The following GRIN2A variants were observed in gnomAD, a reference collection of about 807,000 sequenced individuals.
GRIN2A encodes glutamate receptor ionotropic, NMDA 2A.
GRIN2A carries 22 observed loss-of-function variants against 113.4 expected under a neutral mutation model. The observed-to-expected ratio is 0.19, with a 90% CI of 0.14 to 0.28. The LOEUF is 0.28. Ranked by LOEUF, GRIN2A falls within the 10% of genes least tolerant of loss-of-function variation. The pLI, the probability that GRIN2A is intolerant of heterozygous loss-of-function variation, is 1.00. For missense variants in GRIN2A, 1,502 were observed against 1,887.0 expected, an observed-to-expected ratio of 0.80 and a Z score of 3.78; for synonymous variants, 827 against 738.4, an observed-to-expected ratio of 1.12 and a Z score of -1.94.
At chr16:10,142,150 C>T (rs1596548011) in intron 2 of GRIN2A, among the ~76,000 whole-genome samples, 1 of 152,054 alleles carries the variant, frequency 6.6e-6, no homozygotes, top group Non-Finnish European at 1.5e-5. Context: ...AGAGCACGAA[C>T]CCACAAGAAG....
intron 3 of GRIN2A, among the ~76,000 whole-genome samples, chr16:9,934,767 C>T (rs1405616273): frequency 2.0e-5 from 3 of 150,944 alleles, no homozygotes; most frequent in Non-Finnish European, 4.4e-5. Context: ...TCTCTAGCTC[C>T]CTGTCAAGGG....
intron 2 of GRIN2A, among the ~76,000 whole-genome samples, chr16:9,956,732 A>G (rs1325553841): frequency 4.6e-5 from 7 of 152,218 alleles, no homozygotes; most frequent in African/African-American, 1.7e-4. Flanking sequence ...ATGGTGCATT[A>G]AGAATGCACA....
chr16:10,161,470 T>C (rs1334118231), intron 2 of GRIN2A, among the ~76,000 whole-genome samples: 2 of 152,226 alleles, frequency 1.3e-5, no homozygotes, highest in Non-Finnish European at 2.9e-5. Context: ...TTTTAAATTA[T>C]TTCGCCTTAG....
At position 10,089,418 on chromosome 16, in the gene GRIN2A, A is replaced by T. The variant is rs541389269; in HGVS notation, c.414+90580T>A. 3.3e-5 allele frequency among the ~76,000 whole-genome samples: 5 copies of T among 152,364 alleles called. No homozygotes were observed. The South Asian group carries it at 1.0e-3, about 32-fold the overall frequency. On this transcript the variant is annotated intron_variant, in intron 2 of 12. Coordinates refer to ENST00000330684, the MANE Select transcript of GRIN2A (RefSeq NM_001134407.3). ...CCTCAAAGCTTTATAAAATAAGCAC[A>T]ACAATGAATGTTAAATATGTAACCA...
At chr16:9,857,600 C>T (rs1436650761) in intron 4 of GRIN2A, among the ~76,000 whole-genome samples, 3 of 152,202 alleles carry the variant, frequency 2.0e-5, no homozygotes, top group African/African-American at 4.8e-5. Flanking sequence ...CACTTGTGAG[C>T]TGTGCCACTT....
chr16:9,821,770 A>T (rs2042289514), intron 10 of GRIN2A, among the ~76,000 whole-genome samples: 1 of 152,142 alleles, frequency 6.6e-6, no homozygotes, highest in Non-Finnish European at 1.5e-5. Flanking sequence ...GAGGAATGCT[A>T]ACTGTAACTT....
At chr16:9,816,180 A>G (rs992376051) in intron 10 of GRIN2A, among the ~76,000 whole-genome samples, 3 of 152,222 alleles carry the variant, frequency 2.0e-5, no homozygotes, top group Admixed American at 6.5e-5. Flanking sequence ...TTGGAGACAG[A>G]TGGTGGTAAT....
intron 2 of GRIN2A, among the ~76,000 whole-genome samples, chr16:10,005,031 A>C (rs1215381262): frequency 6.6e-6 from 1 of 152,170 alleles, no homozygotes; most frequent in African/African-American, 2.4e-5. Flanking sequence ...TAAAACGAAA[A>C]TTTATTTTTA....
At chr16:9,865,429 C>T (rs2043146113) in intron 4 of GRIN2A, among the ~76,000 whole-genome samples, 1 of 152,246 alleles carries the variant, frequency 6.6e-6, no homozygotes, top group African/African-American at 2.4e-5. Flanking sequence ...ATTGCTTTTC[C>T]CACTGAATTA....
At chr16:9,838,815 A>C (rs1243607559) in intron 7 of GRIN2A, among the ~76,000 whole-genome samples, 2 of 152,200 alleles carry the variant, frequency 1.3e-5, no homozygotes, top group South Asian at 2.1e-4. Context: ...AGAATGGAAA[A>C]TCTAATACTA....
At chr16:10,137,772 T>A (rs916190829) in intron 2 of GRIN2A, among the ~76,000 whole-genome samples, 7 of 152,218 alleles carry the variant, frequency 4.6e-5, no homozygotes, top group African/African-American at 7.2e-5. Flanking sequence ...TGAGAGAGTG[T>A]GACATGCTTA....
At chr16:10,113,020 G>A (rs1319162595) in intron 2 of GRIN2A, 1 of 298,862 alleles carries the variant, frequency 3.3e-6, no homozygotes, top group East Asian at 8.5e-5. Context: ...GAGAGGAGGA[G>A]AGGTCCTGAA....
intron 2 of GRIN2A, among the ~76,000 whole-genome samples, chr16:10,012,478 A>T (rs528784830): frequency 1.3e-5 from 2 of 152,324 alleles, no homozygotes; most frequent in Admixed American, 6.5e-5. Flanking sequence ...TAGCATGGAG[A>T]AGCAGGTAAA....
intron 2 of GRIN2A, chr16:10,112,795 GA>G (rs1567307748): frequency 1.5e-6 from 1 of 681,150 alleles, no homozygotes; most frequent in African/African-American, 1.8e-5. Flanking sequence ...ATGTACTCAG[GA>G]GAGCTCAAAT....
At chr16:10,057,689 G>T (rs2047479157) in intron 2 of GRIN2A, among the ~76,000 whole-genome samples, 1 of 152,076 alleles carries the variant, frequency 6.6e-6, no homozygotes, top group South Asian at 2.1e-4. Flanking sequence ...GGAAGTATTG[G>T]GCTTTGGGTA....
intron 5 of GRIN2A, among the ~76,000 whole-genome samples, chr16:9,843,802 TAC>T (rs1474118927): frequency 3.9e-5 from 6 of 152,192 alleles, no homozygotes; most frequent in African/African-American, 1.4e-4. Context: ...CTCAACACTG[TAC>T]AGTCATGGGA....
chr16:9,808,160 C>G (rs1204609907), intron 10 of GRIN2A, among the ~76,000 whole-genome samples: 1 of 152,204 alleles, frequency 6.6e-6, no homozygotes, highest in Non-Finnish European at 1.5e-5. Flanking sequence ...TTTGTTCAGA[C>G]TTTTCTTGAA....
At chr16:10,000,660 T>A (rs561578653) in intron 2 of GRIN2A, among the ~76,000 whole-genome samples, 1 of 152,268 alleles carries the variant, frequency 6.6e-6, no homozygotes, top group East Asian at 1.9e-4. Context: ...TTCATTGTAT[T>A]AAGGAAGACA....
intron 2 of GRIN2A, among the ~76,000 whole-genome samples, chr16:10,124,154 A>C (rs1452202732): frequency 6.6e-6 from 1 of 152,176 alleles, no homozygotes; most frequent in East Asian, 1.9e-4. Flanking sequence ...CTATATTGTC[A>C]TAGTCTGAGA....
Sources: allele counts gnomAD v4.1 joint callset (sites outside exome capture counted in the v4.1 genomes callset), GRCh38; gene constraint gnomAD v4.1.1; transcripts MANE v1.5; gene names NCBI Gene and HGNC (gene_info 2026-07-23, HGNC 2026-07-21).